MAP4: variants seen among roughly 807,000 people sequenced by gnomAD.
MAP4 encodes microtubule-associated protein 4.
A neutral mutation model predicts 170.2 loss-of-function variants in MAP4; 76 were observed. The observed-to-expected ratio is 0.45, with a 90% CI of 0.37 to 0.54. MAP4 has a LOEUF of 0.54. MAP4 is among the 20% of genes least tolerant of loss of function. The pLI is 0.00. For missense variants in MAP4, 2,506 were observed against 2,748.0 expected (o/e 0.91, Z 1.97); for synonymous variants, 909 against 994.5 (o/e 0.91, Z 1.62).
intron 10 of MAP4, chr3:47,892,127 ACCGAGTTC>A: frequency 6.5e-7 from 1 of 1,536,120 alleles, no homozygotes; most frequent in South Asian, 1.2e-5. Context: ...CTTCTGGTGT[ACCGAGTTC>A]CCCTCCAAGG....
intron 3 of MAP4, chr3:47,975,457 G>T: frequency 6.4e-7 from 1 of 1,569,042 alleles, no homozygotes; most frequent in Non-Finnish European, 8.6e-7. Flanking sequence ...TGAGAGACAC[G>T]CTAGGCTTCT....
At chr3:47,960,590 A>G (rs1399821051) in intron 3 of MAP4, 1 of 175,522 alleles carries the variant, frequency 5.7e-6, no homozygotes, top group Non-Finnish European at 1.3e-5. Flanking sequence ...ATACTTCATT[A>G]TATTCAAATT....
chr3:48,005,343 G>A (rs1310667735), intron 1 of MAP4, among the ~76,000 whole-genome samples: 1 of 151,318 alleles, frequency 6.6e-6, no homozygotes, highest in Non-Finnish European at 1.5e-5. Flanking sequence ...CCTGGCAACA[G>A]AACGAGACTC....
intron 10 of MAP4, among the ~76,000 whole-genome samples, chr3:47,879,413 G>A (rs1173231958): frequency 1.3e-5 from 2 of 152,130 alleles, no homozygotes; most frequent in Non-Finnish European, 2.9e-5. Context: ...AAACTGGGGA[G>A]GTTAGGAGGC....
At chr3:47,950,472 C>A (rs1277830704) in intron 3 of MAP4, among the ~76,000 whole-genome samples, 2 of 152,088 alleles carry the variant, frequency 1.3e-5, no homozygotes, top group Non-Finnish European at 2.9e-5. Flanking sequence ...CAATAATATA[C>A]TGGCAAAAAC....
intron 3 of MAP4, among the ~76,000 whole-genome samples, chr3:47,965,147 T>C (rs554399142): frequency 6.6e-5 from 10 of 152,372 alleles, no homozygotes; most frequent in East Asian, 3.9e-4. Flanking sequence ...GTACCGCATA[T>C]AAATTTGTAT....
chr3:47,852,633 A>G lies in MAP4; in HGVS notation c.*301T>C, dbSNP rs915840780. Reference sequence around the variant, plus strand: ...CCCCTCCCAACCTCCTCCACGGAGCAGTGGCGCAGTGATGGGGCAAGACCA... The same window carrying G: ...CCCCTCCCAACCTCCTCCACGGAGCGGTGGCGCAGTGATGGGGCAAGACCA... On this transcript the variant is annotated 3_prime_UTR_variant, in exon 21 of 21. Coordinates refer to ENST00000683076, the MANE Select transcript of MAP4 (RefSeq NM_001385682.1). 1 of 983,518 alleles carries G rather than the reference A, an allele frequency of 1.0e-6. No individual in the cohort carries two copies. Among genetic ancestry groups the G allele is most frequent in the Non-Finnish European group, 1.5e-6 (1 of 689,504 alleles). The allele number at this position is 983,518 out of a possible 1,614,324, so 60.9% of individuals were successfully genotyped here.
In MAP4 at chr3:48,077,347, A is replaced by C. The variant is rs183759441; in HGVS notation, c.-20+11426T>G. Reference sequence around the variant, plus strand: ...TCCCAGCTACTCAGGAGGCTGAGGCAGGAGAATCGAATCACTTGAACCCGG... The same window carrying C: ...TCCCAGCTACTCAGGAGGCTGAGGCCGGAGAATCGAATCACTTGAACCCGG... On this transcript the variant is annotated intron_variant, in intron 1 of 18. Transcript: ENST00000360240. 5.8e-3 allele frequency among the ~76,000 whole-genome samples: 873 copies of C among 151,530 alleles called. 6 individuals carry two copies. The highest frequency in any genetic ancestry group is 9.0e-3 in the Non-Finnish European group (608 of 67,846).
At position 48,074,558 on chromosome 3, in the gene MAP4, T is replaced by A. The variant is rs186751232; in HGVS notation, c.-20+14215A>T. Reference sequence around the variant, plus strand: ...AGACAGAGGCTCACTCTGTTGCCCATGCTGGATTGCAATGGCAGGATCACA... The same window carrying A: ...AGACAGAGGCTCACTCTGTTGCCCAAGCTGGATTGCAATGGCAGGATCACA... On this transcript the variant is annotated intron_variant, in intron 1 of 18. Coordinates refer to the MAP4 transcript ENST00000360240. 3.8e-3 allele frequency among the ~76,000 whole-genome samples: 540 copies of A among 142,842 alleles called. 6 individuals carry two copies. Among genetic ancestry groups the A allele is most frequent in the African/African-American group, 0.014 (517 of 36,754 alleles). The allele number at this position is 142,842 out of a possible 152,430, so 93.7% of individuals were successfully genotyped here.
intron 6 of MAP4, 103 bp from the exon 7 acceptor site, chr3:47,917,277 A>C (rs1313917867): frequency 2.3e-6 from 2 of 880,144 alleles, no homozygotes; most frequent in African/African-American, 1.7e-5. Context: ...TGACCATAAG[A>C]CTGTACACAT....
intron 11 of MAP4, 73 bp from the exon 12 acceptor site, chr3:47,875,973 C>T: frequency 8.8e-7 from 1 of 1,139,380 alleles, no homozygotes; most frequent in Non-Finnish European, 1.3e-6. Context: ...AGAATAAAAA[C>T]AAATTAAAAA....
At chr3:48,071,326 G>A (rs920258113) in intron 1 of MAP4, among the ~76,000 whole-genome samples, 4 of 151,460 alleles carry the variant, frequency 2.6e-5, no homozygotes, top group African/African-American at 9.7e-5. Context: ...CAGATCGCTC[G>A]AGCTCAGGAG....
At chr3:47,898,395 G>A (rs919279973) in intron 10 of MAP4, among the ~76,000 whole-genome samples, 4 of 152,008 alleles carry the variant, frequency 2.6e-5, no homozygotes, top group South Asian at 2.1e-4. Context: ...CCAGCTACCC[G>A]GGAGGCTGAG....
rs548796128 is a variant in MAP4, at chr3:48,074,864, A to G, written c.-20+13909T>C. Among the ~76,000 whole-genome samples the G allele has an allele frequency of 8.5e-5, 13 of 152,186 alleles. 1 individual carries two copies. In the South Asian group the frequency reaches 2.7e-3, roughly 32 times the overall value. ...TATTCTTGAAAGAAATTAAAGACAT[A>G]AACAAATGGAAAGGCATCCCACGTT... On this transcript the variant is annotated intron_variant, in intron 1 of 18. Coordinates refer to the MAP4 transcript ENST00000360240.
chr3:48,065,471 G>C (rs1203727708), intron 1 of MAP4, among the ~76,000 whole-genome samples: 1 of 152,138 alleles, frequency 6.6e-6, no homozygotes, highest in Non-Finnish European at 1.5e-5. Context: ...ACAAGGCAAG[G>C]GGGACAGAAA....
intron 10 of MAP4, chr3:47,890,952 C>T (rs1055991737): frequency 8.7e-6 from 11 of 1,267,554 alleles, no homozygotes; most frequent in African/African-American, 1.5e-5. Context: ...AGTGCTCTGC[C>T]GGTAATCTGT....
intron 1 of MAP4, among the ~76,000 whole-genome samples, chr3:48,051,092 CCA>C (rs145028487): frequency 0.011 from 1,528 of 143,652 alleles, 33 homozygotes; most frequent in South Asian, 0.087. Flanking sequence ...CATTCAATTT[CCA>C]CACACACACA....
chr3:47,939,294 A>C (rs1405681326), intron 3 of MAP4, among the ~76,000 whole-genome samples: 1 of 152,048 alleles, frequency 6.6e-6, no homozygotes, highest in African/African-American at 2.4e-5. Flanking sequence ...AAAATTAAAA[A>C]GCCTTTAAGT....
At position 47,852,748 on chromosome 3, in the gene MAP4, G is replaced by A. The variant is rs1270641937; in HGVS notation, c.*186C>T. On this transcript the variant is annotated 3_prime_UTR_variant, in exon 21 of 21. Coordinates refer to ENST00000683076, the MANE Select transcript of MAP4 (RefSeq NM_001385682.1). Reference sequence around the variant, plus strand: ...GGGCACGCAAAGCAGGAGGGAAGGCGAGCCTAGCGGGCTGCCCAGCACGGC... The same window carrying A: ...GGGCACGCAAAGCAGGAGGGAAGGCAAGCCTAGCGGGCTGCCCAGCACGGC... 4.6e-6 allele frequency: 7 copies of A among 1,536,442 alleles called. No homozygotes were observed. The African/African-American group carries it at 6.9e-5, about 15-fold the overall frequency.
Sources: allele counts gnomAD v4.1 joint callset (sites outside exome capture counted in the v4.1 genomes callset), GRCh38; gene constraint gnomAD v4.1.1; transcripts MANE v1.5; gene names NCBI Gene and HGNC (gene_info 2026-07-23, HGNC 2026-07-21).